The following HACE1 variants were observed in gnomAD, a reference collection of about 807,000 sequenced individuals.
HACE1 encodes HECT domain and ankyrin repeat containing E3 ubiquitin protein ligase 1.
HACE1 carries 73 observed loss-of-function variants against 118.4 expected under a neutral mutation model. That is an observed-to-expected ratio of 0.62 (90% CI 0.51 to 0.75). HACE1 has a LOEUF of 0.75. HACE1 is among the 30% of genes least tolerant of loss of function. The pLI, the probability that HACE1 is intolerant of heterozygous loss-of-function variation, is 0.00. For missense variants in HACE1, 749 were observed against 1,102.2 expected, an observed-to-expected ratio of 0.68 and a Z score of 4.54; for synonymous variants, 368 against 374.8, an observed-to-expected ratio of 0.98 and a Z score of 0.21.
chr6:104,731,301 T>C (rs1270668736), intron 22 of HACE1: 1 of 151,982 alleles, frequency 6.6e-6, no homozygotes, highest in Non-Finnish European at 1.5e-5. Context: ...ACTAAATACA[T>C]ACTTGCAAAC....
At chr6:104,838,646 G>C (rs1774778529) in intron 5 of HACE1, among the ~76,000 whole-genome samples, 2 of 151,990 alleles carry the variant, frequency 1.3e-5, no homozygotes, top group Non-Finnish European at 2.9e-5. Context: ...TTTGGGCAAA[G>C]CTTTCTTGAG....
At chr6:104,749,122 T>C (rs938956663) in intron 20 of HACE1, among the ~76,000 whole-genome samples, 3 of 152,186 alleles carry the variant, frequency 2.0e-5, no homozygotes, top group Admixed American at 1.3e-4. Flanking sequence ...CTATTTGTTT[T>C]TTACATACAT....
At chr6:104,854,855 T>C (rs1264744121) in intron 1 of HACE1, among the ~76,000 whole-genome samples, 1 of 152,168 alleles carries the variant, frequency 6.6e-6, no homozygotes, top group Non-Finnish European at 1.5e-5. Context: ...TTACTGTGAG[T>C]GTATACATGA....
intron 3 of HACE1, 83 bp downstream of exon 3, chr6:104,850,824 G>T: frequency 1.1e-6 from 1 of 894,848 alleles, no homozygotes; most frequent in Non-Finnish European, 1.9e-6. Context: ...TCTCTCCCCA[G>T]AAATATTGTG....
At chr6:104,770,362 A>G (rs1295999097) in intron 19 of HACE1, among the ~76,000 whole-genome samples, 1 of 152,206 alleles carries the variant, frequency 6.6e-6, no homozygotes, top group Non-Finnish European at 1.5e-5. Context: ...ATGACTTTGA[A>G]CAGTGAAATT....
At chr6:104,845,373 G>C (rs909956565) in intron 4 of HACE1, among the ~76,000 whole-genome samples, 1 of 151,442 alleles carries the variant, frequency 6.6e-6, no homozygotes. Flanking sequence ...AAAAACAACT[G>C]ACAAGTTACT....
intron 19 of HACE1, among the ~76,000 whole-genome samples, chr6:104,752,506 G>T (rs1582663839): frequency 6.6e-6 from 1 of 151,798 alleles, no homozygotes; most frequent in Non-Finnish European, 1.5e-5. Flanking sequence ...TGCCAGGAAA[G>T]ACCCTATTCT....
chr6:104,830,395 A>G (rs1773738889), intron 6 of HACE1, among the ~76,000 whole-genome samples: 1 of 152,236 alleles, frequency 6.6e-6, no homozygotes, highest in Non-Finnish European at 1.5e-5. Context: ...TAAAAGACAA[A>G]AAATGCAAAT....
rs1241466085 is a variant in HACE1, at chr6:104,831,965, GAAGAGAAGAGAAGAGAGGAAGGA to G, written c.534+1054_534+1076del. 1.9e-3 allele frequency among the ~76,000 whole-genome samples: 159 copies of G among 85,896 alleles called. 1 individual carries two copies. Among genetic ancestry groups the G allele is most frequent in the East Asian group, 4.2e-3 (15 of 3,576 alleles). 56.4% of individuals were successfully genotyped at this position (85,896 alleles called of 152,430 possible). A position where few individuals can be genotyped will look rare whatever the true frequency, so the allele number is the denominator to read the frequency against. ...GAAGAGAAGAGAAGAGAAGAGAAGA[GAAGAGAAGAGAAGAGAGGAAGGA>G]AGGAAGGAAGGAAGGAAGGAAGGAA... On this transcript the variant is annotated intron_variant, in intron 6 of 23. Transcript: ENST00000262903.
At chr6:104,763,467 T>C (rs767695795) in intron 19 of HACE1, among the ~76,000 whole-genome samples, 2 of 152,080 alleles carry the variant, frequency 1.3e-5, no homozygotes, top group Non-Finnish European at 2.9e-5. Context: ...AGTAAAGGGA[T>C]CACTATCTCA....
chr6:104,859,062 T>A (rs1343270034), intron 1 of HACE1, among the ~76,000 whole-genome samples: 1 of 152,180 alleles, frequency 6.6e-6, no homozygotes, highest in East Asian at 1.9e-4. Context: ...AGAGTACCTG[T>A]TTGATGTTTG....
chr6:104,777,616 T>C (rs187013851), intron 14 of HACE1, among the ~76,000 whole-genome samples: 11 of 114,140 alleles, frequency 9.6e-5, no homozygotes, highest in Admixed American at 6.0e-4. Context: ...TAATTGAATA[T>C]ATTTATTCTC....
intron 6 of HACE1, among the ~76,000 whole-genome samples, chr6:104,816,700 A>C (rs1772152467): frequency 6.6e-6 from 1 of 151,936 alleles, no homozygotes; most frequent in East Asian, 1.9e-4. Context: ...GAGGGCCACC[A>C]CCCCCCAGAC....
chr6:104,798,240 C>CTT (rs1439263516), intron 7 of HACE1, among the ~76,000 whole-genome samples: 1 of 152,122 alleles, frequency 6.6e-6, no homozygotes, highest in Non-Finnish European at 1.5e-5. Context: ...GACCTATACT[C>CTT]TTTCCACAAT....
At chr6:104,794,225 C>G (rs1306668186) in intron 10 of HACE1, among the ~76,000 whole-genome samples, 5 of 152,000 alleles carry the variant, frequency 3.3e-5, no homozygotes, top group Non-Finnish European at 7.4e-5. Flanking sequence ...AGCTTGGTAC[C>G]TGCTTAATAA....
At chr6:104,767,473 G>A (rs1189224290) in intron 19 of HACE1, among the ~76,000 whole-genome samples, 2 of 152,022 alleles carry the variant, frequency 1.3e-5, no homozygotes, top group African/African-American at 4.8e-5. Flanking sequence ...CCTGACTCTA[G>A]TACCGCCCCA....
intron 14 of HACE1, among the ~76,000 whole-genome samples, chr6:104,781,534 A>C (rs988968083): frequency 2.0e-5 from 3 of 152,140 alleles, no homozygotes; most frequent in African/African-American, 7.2e-5. Context: ...ACTCCAATTC[A>C]ACACAAGGTT....
chr6:104,776,234 A>G (rs1443193479), intron 17 of HACE1, among the ~76,000 whole-genome samples: 1 of 152,240 alleles, frequency 6.6e-6, no homozygotes, highest in African/African-American at 2.4e-5. Context: ...TTGAAATTTT[A>G]TATCATGATT....
chr6:104,802,993 A>G (rs1374959154), intron 7 of HACE1, among the ~76,000 whole-genome samples: 8 of 152,190 alleles, frequency 5.3e-5, no homozygotes, highest in Non-Finnish European at 8.8e-5. Flanking sequence ...GAAGAGAGAG[A>G]AGAATCAAAC....
Sources: gnomAD v4.1 joint callset for allele counts (sites outside exome capture counted in the v4.1 genomes callset) on GRCh38, gnomAD v4.1.1 for gene constraint, MANE v1.5 for transcripts, NCBI Gene and HGNC (gene_info 2026-07-23, HGNC 2026-07-21) for gene names.